DCTN2: variants seen among roughly 807,000 people sequenced by gnomAD.
DCTN2 encodes dynactin subunit 2.
Under a neutral mutation model 55.4 loss-of-function variants are expected in DCTN2, and 18 were observed. That is an observed-to-expected ratio of 0.32 (90% CI 0.22 to 0.48). The LOEUF (loss-of-function observed/expected upper bound fraction) is 0.48, where lower values mean the gene tolerates loss of function less well. Ranked by LOEUF, DCTN2 falls within the 20% of genes least tolerant of loss-of-function variation. The pLI is 0.99. For missense variants in DCTN2, 390 were observed against 491.0 expected, an observed-to-expected ratio of 0.79 and a Z score of 1.94; for synonymous variants, 168 against 185.2, an observed-to-expected ratio of 0.91 and a Z score of 0.76.
At chr12:57,530,917 A>G in intron 13 of DCTN2, 142 bp from the exon 14 acceptor site, 2 of 722,288 alleles carry the variant, frequency 2.8e-6, no homozygotes, top group Admixed American at 2.4e-5. Flanking sequence ...TATAGCACCA[A>G]TTTTCAAGCT....
In DCTN2 at chr12:57,530,402, C is replaced by G; in HGVS notation, c.*287G>C. The G allele has an allele frequency of 2.8e-6, 1 of 356,056 alleles. No individual in the cohort carries two copies. The highest frequency in any genetic ancestry group is 5.8e-5 in the South Asian group (1 of 17,268). The allele number at this position is 356,056 out of a possible 1,614,324, so 22.1% of individuals were successfully genotyped here. ...GTTGGGGGACAAGACCCAATCCTTC[C>G]CCACACCAGGCAAAGCAGTATTGGA... On this transcript the variant is annotated 3_prime_UTR_variant, in exon 14 of 14. Coordinates refer to ENST00000548249, the MANE Select transcript of DCTN2 (RefSeq NM_001261413.2).
chr12:57,532,351 G>GCCTC, intron 11 of DCTN2, 36 bp from the exon 12 acceptor site: 1 of 1,528,238 alleles, frequency 6.5e-7, no homozygotes, highest in Non-Finnish European at 8.9e-7. Flanking sequence ...GGGGATGGCT[G>GCCTC]AGGCAGCCAG....
chr12:57,533,209 C>G, intron 8 of DCTN2, 29 bp downstream of exon 8: 1 of 1,612,034 alleles, frequency 6.2e-7, no homozygotes, highest in Non-Finnish European at 8.5e-7. Flanking sequence ...GGATCTAAGG[C>G]TCAGATTATG....
intron 13 of DCTN2, 41 bp from the exon 14 acceptor site, chr12:57,530,816 G>A: frequency 2.0e-6 from 3 of 1,514,504 alleles, no homozygotes; most frequent in Non-Finnish European, 2.7e-6. Flanking sequence ...GTCAGGTCCA[G>A]TTGCTTAACT....
At chr12:57,543,192 C>T (rs930999137) in intron 2 of DCTN2, 4 of 360,264 alleles carry the variant, frequency 1.1e-5, no homozygotes, top group African/African-American at 6.4e-5. Context: ...ACTAAAAATA[C>T]AAGAAAATTA....
rs897367774 is a variant in DCTN2, at chr12:57,530,844, A to T, written c.1120-69T>A. On this transcript the variant is annotated intron_variant, in intron 13 of 13. Coordinates refer to ENST00000548249, the MANE Select transcript of DCTN2 (RefSeq NM_001261413.2). The stretch of plus-strand genomic sequence containing the variant: ...GCTTAACTGGATGAGGACCTGAAGG[A>T]ATTCTCTGAGAGAGAAGACAAGAAA... 2.0e-5 allele frequency: 26 copies of T among 1,311,192 alleles called. No homozygotes were observed. The Admixed American group carries it at 4.6e-4, about 23-fold the overall frequency. 81.2% of individuals were successfully genotyped at this position (1,311,192 alleles called of 1,614,324 possible). A position where few individuals can be genotyped will look rare whatever the true frequency, so the allele number is the denominator to read the frequency against.
rs937106201 is a variant in DCTN2, at chr12:57,546,103, G to A, written c.37-7C>T. 2 of 1,613,726 alleles carry A rather than the reference G, an allele frequency of 1.2e-6. No individual in the cohort carries two copies. Among genetic ancestry groups the A allele is most frequent in the Non-Finnish European group, 1.7e-6 (2 of 1,179,802 alleles). On this transcript the variant is annotated splice_polypyrimidine_tract_variant and splice_region_variant and intron_variant, in intron 1 of 13. Transcript: ENST00000548249. ...CATCTGGCTCATTCCTGGCCTGCAGGTAGAAGCAGTGACCACCCAACCTCA... is the reference window on the plus strand; with the variant it reads ...CATCTGGCTCATTCCTGGCCTGCAGATAGAAGCAGTGACCACCCAACCTCA...
chr12:57,530,895 A>AG (rs1879629361), intron 13 of DCTN2, 120 bp from the exon 14 acceptor site: 1 of 872,560 alleles, frequency 1.1e-6, no homozygotes, highest in Non-Finnish European at 1.9e-6. Flanking sequence ...TGGGCCACAG[A>AG]GGGGGGATGT....
intron 2 of DCTN2, chr12:57,543,935 C>T (rs1880920852): frequency 2.9e-6 from 2 of 685,432 alleles, no homozygotes; most frequent in South Asian, 1.5e-5. Flanking sequence ...CAGAGCTGCA[C>T]AGTCAGGTTC....
intron 2 of DCTN2, among the ~76,000 whole-genome samples, chr12:57,539,735 T>C (rs570228941): frequency 6.6e-6 from 1 of 152,298 alleles, no homozygotes; most frequent in Admixed American, 6.5e-5. Context: ...CCAGCCAAGA[T>C]TCCTCTTTCC....
In DCTN2 at chr12:57,530,420, G is replaced by A; in HGVS notation, c.*269C>T. 2.5e-6 allele frequency: 1 copy of A among 401,680 alleles called. No homozygotes were observed. Among genetic ancestry groups the A allele is most frequent in the South Asian group, 4.6e-5 (1 of 21,626 alleles). The allele number at this position is 401,680 out of a possible 1,614,324, so 24.9% of individuals were successfully genotyped here. A position where few individuals can be genotyped will look rare whatever the true frequency, so the allele number is the denominator to read the frequency against. On this transcript the variant is annotated 3_prime_UTR_variant, in exon 14 of 14. Transcript: ENST00000548249. Reference sequence around the variant, plus strand: ...ATCCTTCCCCACACCAGGCAAAGCAGTATTGGACATGAGTTGGCATGTGGC... The same window carrying A: ...ATCCTTCCCCACACCAGGCAAAGCAATATTGGACATGAGTTGGCATGTGGC...
chr12:57,535,679 T>C (rs935141766), intron 3 of DCTN2, 70 bp downstream of exon 3: 19 of 1,534,908 alleles, frequency 1.2e-5, no homozygotes, highest in Middle Eastern at 3.4e-4. Flanking sequence ...ACTAAGACTT[T>C]AGGACAGGAA....
chr12:57,538,904 G>A (rs1041617435), intron 2 of DCTN2, among the ~76,000 whole-genome samples: 5 of 152,212 alleles, frequency 3.3e-5, no homozygotes, highest in African/African-American at 1.2e-4. Context: ...AGGTGGTGGG[G>A]AAGCTATTAG....
intron 2 of DCTN2, chr12:57,542,994 A>G: frequency 2.2e-6 from 1 of 456,022 alleles, no homozygotes; most frequent in Non-Finnish European, 4.4e-6. Context: ...TTAAAAACTG[A>G]TAAAATTAAA....
chr12:57,542,350 C>T (rs1880764547), intron 2 of DCTN2, among the ~76,000 whole-genome samples: 1 of 152,050 alleles, frequency 6.6e-6, no homozygotes, highest in South Asian at 2.1e-4. Flanking sequence ...ATCCTCCCCA[C>T]TATGGGAATC....
rs567302191 is a variant in DCTN2, at chr12:57,545,873, C to A, written c.105+155G>T. On this transcript the variant is annotated intron_variant, in intron 2 of 13. Transcript: ENST00000548249. ...GCCATTGCTCATTGGTGGCTGCAAG[C>A]CCAGCAAGGTCTTTGCAAGCCCTGC... 1,020 of 637,490 alleles carry A rather than the reference C, an allele frequency of 1.6e-3. 2 individuals carry two copies. The highest frequency in any genetic ancestry group is 2.1e-3 in the Admixed American group (67 of 31,608). 39.5% of individuals were successfully genotyped at this position (637,490 alleles called of 1,614,324 possible).
chr12:57,530,598 TAG>T lies in DCTN2; in HGVS notation c.*89_*90del. 1 of 1,150,024 alleles carries T rather than the reference TAG, an allele frequency of 8.7e-7. No individual in the cohort carries two copies. The allele number at this position is 1,150,024 out of a possible 1,614,324, so 71.2% of individuals were successfully genotyped here. A position where few individuals can be genotyped will look rare whatever the true frequency, so the allele number is the denominator to read the frequency against. On this transcript the variant is annotated 3_prime_UTR_variant, in exon 14 of 14. Coordinates refer to ENST00000548249, the MANE Select transcript of DCTN2 (RefSeq NM_001261413.2). ...CCAGTGTCAAATGGGATGGGGATGC[TAG>T]AGTTATAGTAAAGGGGAAACCCTAT... is the stretch of plus-strand genomic sequence containing the variant.
chr12:57,545,993 A>G, intron 2 of DCTN2, 35 bp downstream of exon 2: 1 of 1,608,982 alleles, frequency 6.2e-7, no homozygotes, highest in Non-Finnish European at 8.5e-7. Flanking sequence ...GAAAGGTCAG[A>G]GTCCGGAGGA....
At position 57,533,256 on chromosome 12, in the gene DCTN2, A is replaced by G. The variant is rs779319249; in HGVS notation, c.717T>C (p.Arg239=). The stretch of plus-strand genomic sequence containing the variant: ...ACCTGACCTGAGCATCCTGATCACA[A>G]CGTACAGCTGTCTCCAGCTCTGTCA... ...KRLTELETAV[R]CDQDAQNPLS... The change falls in exon 8 of 14, where the codon CGT becomes CGC. Residue 239 remains arginine, a synonymous_variant. Transcript: ENST00000548249. The G allele has an allele frequency of 2.2e-5, 36 of 1,613,842 alleles. No individual in the cohort carries two copies. Among genetic ancestry groups the G allele is most frequent in the Non-Finnish European group, 2.8e-5 (33 of 1,179,872 alleles).
Sources: allele counts gnomAD v4.1 joint callset (sites outside exome capture counted in the v4.1 genomes callset), GRCh38; gene constraint gnomAD v4.1.1; transcripts MANE v1.5; gene names NCBI Gene and HGNC (gene_info 2026-07-23, HGNC 2026-07-21).